EXOC4: variants seen among roughly 807,000 people sequenced by gnomAD.
EXOC4 encodes the protein SEC8-like 1.
A neutral mutation model predicts 107.2 loss-of-function variants in EXOC4; 71 were observed. That is an observed-to-expected ratio of 0.66 (90% CI 0.55 to 0.81). The LOEUF (loss-of-function observed/expected upper bound fraction) is 0.81. Ranked by LOEUF, EXOC4 falls within the 30% of genes least tolerant of loss-of-function variation. The pLI is 0.00. For synonymous variants in EXOC4, 456 were observed against 441.2 expected, an observed-to-expected ratio of 1.03 and a Z score of -0.42; for missense variants, 1,108 against 1,189.6, an observed-to-expected ratio of 0.93 and a Z score of 1.01.
chr7:133,962,997 A>G (rs1800981235), intron 14 of EXOC4, among the ~76,000 whole-genome samples: 1 of 152,268 alleles, frequency 6.6e-6, no homozygotes, highest in Non-Finnish European at 1.5e-5. Context: ...GAGGATTTCA[A>G]TATGTTTTCA....
At chr7:133,781,578 T>G (rs1199079949) in intron 10 of EXOC4, among the ~76,000 whole-genome samples, 4 of 152,226 alleles carry the variant, frequency 2.6e-5, no homozygotes, top group Non-Finnish European at 5.9e-5. Context: ...ACTTAGTAAT[T>G]CTGTCAGTGT....
intron 10 of EXOC4, among the ~76,000 whole-genome samples, chr7:133,632,560 C>T (rs1240987139): frequency 6.6e-6 from 1 of 152,118 alleles, no homozygotes; most frequent in African/African-American, 2.4e-5. Flanking sequence ...TTTCACACTT[C>T]AGCATTTCCT....
intron 12 of EXOC4, among the ~76,000 whole-genome samples, chr7:133,915,318 C>T (rs1398443319): frequency 1.3e-5 from 2 of 151,898 alleles, no homozygotes; most frequent in African/African-American, 4.8e-5. Flanking sequence ...AGTAAAAATA[C>T]AGGAAAAAGG....
Position 134,017,451 on chromosome 7 carries a change from A to G in EXOC4, c.2687+9616A>G, listed in dbSNP as rs187768948. 2.0e-5 allele frequency among the ~76,000 whole-genome samples: 3 copies of G among 152,292 alleles called. No homozygotes were observed. In the East Asian group the frequency reaches 5.8e-4, roughly 29 times the overall value. ...CCAGTTGATAAAATTCAGTAATAAA[A>G]CCAAATCTTGTACGGCCTGATCTGA... On this transcript the variant is annotated intron_variant, in intron 17 of 17. Transcript: ENST00000253861.
chr7:133,622,779 C>G (rs983751157), intron 9 of EXOC4, among the ~76,000 whole-genome samples: 20 of 152,220 alleles, frequency 1.3e-4, no homozygotes, highest in Admixed American at 1.2e-3. Context: ...GGGTTCAGTA[C>G]TCCGTTTTAG....
chr7:133,254,627 A>G (rs1392202322), intron 1 of EXOC4, among the ~76,000 whole-genome samples: 3 of 152,198 alleles, frequency 2.0e-5, no homozygotes, highest in Non-Finnish European at 4.4e-5. Context: ...ATATTGAATA[A>G]TATTTGTTGA....
chr7:133,469,051 A>G (rs775192685), intron 7 of EXOC4, among the ~76,000 whole-genome samples: 7 of 152,206 alleles, frequency 4.6e-5, no homozygotes, highest in Admixed American at 2.0e-4. Flanking sequence ...GAAGCAGTCT[A>G]TTATCAGACT....
At chr7:133,852,059 AC>A (rs1798249008) in intron 11 of EXOC4, among the ~76,000 whole-genome samples, 1 of 152,156 alleles carries the variant, frequency 6.6e-6, no homozygotes, top group Admixed American at 6.6e-5. Context: ...TCAGTGAAAA[AC>A]ATTTGTTGCT....
chr7:134,048,111 C>G (rs1489332536), intron 17 of EXOC4, among the ~76,000 whole-genome samples: 1 of 152,188 alleles, frequency 6.6e-6, no homozygotes, highest in Non-Finnish European at 1.5e-5. Context: ...GGCCACAAGA[C>G]CAGATGAGCC....
At chr7:133,564,804 C>T (rs1309357199) in intron 9 of EXOC4, among the ~76,000 whole-genome samples, 1 of 152,158 alleles carries the variant, frequency 6.6e-6, no homozygotes, top group Non-Finnish European at 1.5e-5. Context: ...TAATTCTACT[C>T]TTAATGAGTG....
chr7:133,454,520 C>G (rs1314678968), intron 7 of EXOC4, among the ~76,000 whole-genome samples: 1 of 152,156 alleles, frequency 6.6e-6, no homozygotes, highest in Non-Finnish European at 1.5e-5. Flanking sequence ...AGGTCTCATA[C>G]TCCTGGCCTC....
chr7:133,546,374 G>T (rs1347220196), intron 9 of EXOC4, among the ~76,000 whole-genome samples: 3 of 150,116 alleles, frequency 2.0e-5, no homozygotes, highest in Non-Finnish European at 4.4e-5. Flanking sequence ...TCCTGCCTCA[G>T]CCCCCCGAGT....
At chr7:133,796,190 G>A (rs1384373571) in intron 10 of EXOC4, among the ~76,000 whole-genome samples, 1 of 152,068 alleles carries the variant, frequency 6.6e-6, no homozygotes, top group Non-Finnish European at 1.5e-5. Flanking sequence ...AGTCAGTGTG[G>A]TACTTCTTTA....
chr7:134,051,406 C>T (rs1427283900), intron 17 of EXOC4, among the ~76,000 whole-genome samples: 1 of 152,196 alleles, frequency 6.6e-6, no homozygotes, highest in African/African-American at 2.4e-5. Context: ...GGCACTGTGG[C>T]TCATGCCTGT....
chr7:134,077,764 T>A, the EXOC4 span, among the ~76,000 whole-genome samples: 3 of 152,270 alleles, frequency 2.0e-5, no homozygotes, highest in African/African-American at 7.2e-5. Flanking sequence ...TCTAGGTTTG[T>A]CTGAGCACAG....
chr7:134,090,801 A>T, the EXOC4 span, among the ~76,000 whole-genome samples: 1 of 152,098 alleles, frequency 6.6e-6, no homozygotes, highest in Non-Finnish European at 1.5e-5. Flanking sequence ...GTCAGCAAAG[A>T]GTACAAGACA....
chr7:133,953,300 A>T (rs1194801775), intron 14 of EXOC4, among the ~76,000 whole-genome samples: 2 of 152,032 alleles, frequency 1.3e-5, no homozygotes, highest in African/African-American at 4.8e-5. Flanking sequence ...GAAAATAAAA[A>T]ATTTGGCCAG....
At chr7:133,281,450 T>G (rs1794139033) in intron 2 of EXOC4, among the ~76,000 whole-genome samples, 1 of 151,034 alleles carries the variant, frequency 6.6e-6, no homozygotes, top group African/African-American at 2.4e-5. Flanking sequence ...AGATTTACTT[T>G]CGCCAACAAA....
At chr7:134,002,013 A>G (rs1157458978) in intron 15 of EXOC4, among the ~76,000 whole-genome samples, 2 of 152,192 alleles carry the variant, frequency 1.3e-5, no homozygotes, top group Non-Finnish European at 2.9e-5. Context: ...TTAAATTTCA[A>G]CCACAGTAGC....
Sources: allele counts gnomAD v4.1 joint callset (sites outside exome capture counted in the v4.1 genomes callset), GRCh38; gene constraint gnomAD v4.1.1; transcripts MANE v1.5; gene names NCBI Gene and HGNC (gene_info 2026-07-23, HGNC 2026-07-21).